APBB2: variants seen among roughly 807,000 people sequenced by gnomAD.
The protein encoded by APBB2 is amyloid beta precursor protein binding family B member 2, also known as Fe65-like 1.
APBB2 carries 38 observed loss-of-function variants against 82.5 expected under a neutral mutation model. The observed-to-expected ratio is 0.46, with a 90% CI of 0.36 to 0.60. APBB2 has a LOEUF of 0.60. Among genes scored for constraint, APBB2 ranks in the 20% least tolerant of loss-of-function variants. APBB2 has a pLI of 0.00. For synonymous variants in APBB2, 341 were observed against 368.2 expected (o/e 0.93, Z 0.85); for missense variants, 772 against 972.3 (o/e 0.79, Z 2.74).
intron 1 of APBB2, among the ~76,000 whole-genome samples, chr4:41,176,005 G>A (rs1447598818): frequency 6.6e-6 from 1 of 152,120 alleles, no homozygotes; most frequent in African/African-American, 2.4e-5. Flanking sequence ...TAGCAAACAT[G>A]TTTGAAATAA....
chr4:41,086,527 T>C (rs1739734158), intron 3 of APBB2, among the ~76,000 whole-genome samples: 1 of 152,152 alleles, frequency 6.6e-6, no homozygotes, highest in Non-Finnish European at 1.5e-5. Context: ...AATTGATCAA[T>C]GAAATGCACC....
At chr4:41,002,427 T>G (rs150068764) in intron 6 of APBB2, among the ~76,000 whole-genome samples, 8 of 152,340 alleles carry the variant, frequency 5.3e-5, no homozygotes, top group African/African-American at 1.9e-4. Context: ...AGACTGTAGA[T>G]CCAAGGATGC....
At chr4:40,948,423 T>A (rs1449827300) in intron 6 of APBB2, among the ~76,000 whole-genome samples, 2 of 152,000 alleles carry the variant, frequency 1.3e-5, no homozygotes, top group African/African-American at 4.8e-5. Flanking sequence ...ATAGAAAAAA[T>A]TAGCCGGGCT....
chr4:40,877,816 G>A (rs1266992093), intron 12 of APBB2, among the ~76,000 whole-genome samples: 1 of 152,194 alleles, frequency 6.6e-6, no homozygotes, highest in Non-Finnish European at 1.5e-5. Context: ...GGAGGTAGGA[G>A]CCACGTGTCA....
At chr4:40,848,119 T>C (rs764690573) in intron 12 of APBB2, among the ~76,000 whole-genome samples, 1 of 152,242 alleles carries the variant, frequency 6.6e-6, no homozygotes, top group African/African-American at 2.4e-5. Flanking sequence ...CTGAATTTTG[T>C]TAACTTCCAT....
Position 41,090,179 on chromosome 4 carries a change from T to C in APBB2, c.-149+10460A>G, listed in dbSNP as rs1741207080. On this transcript the variant is annotated intron_variant, in intron 3 of 17. Transcript: ENST00000508593. Reference sequence around the variant, plus strand: ...GAATTTAACATTTCCCCTCCAGTCGTTTCTATAAACCTCTGACAGAATCTT... The same window carrying C: ...GAATTTAACATTTCCCCTCCAGTCGCTTCTATAAACCTCTGACAGAATCTT... Among the ~76,000 whole-genome samples the C allele has an allele frequency of 5.3e-5, 8 of 152,306 alleles. 1 individual carries two copies. In the South Asian group the frequency reaches 1.7e-3, roughly 32 times the overall value.
intron 12 of APBB2, chr4:40,842,241 AC>A (rs1756061145): frequency 8.3e-6 from 3 of 363,526 alleles, no homozygotes; most frequent in Non-Finnish European, 1.7e-5. Flanking sequence ...ACAAAACAAA[AC>A]AAAAGTTCTG....
In APBB2 at chr4:40,814,736, G is replaced by A. The variant is rs959596511; in HGVS notation, c.*1356C>T. On this transcript the variant is annotated 3_prime_UTR_variant, in exon 18 of 18. Transcript: ENST00000508593. ...TTCCTTTTAAAACGACAATGTCAAC[G>A]AGAGTCTAAATTTGTATGTCTTTCC... 7 of 152,158 alleles carry A rather than the reference G, an allele frequency of 4.6e-5. No homozygotes were observed. The highest frequency in any genetic ancestry group is 4.1e-4 in the South Asian group (2 of 4,832). The allele number at this position is 152,158 out of a possible 1,614,324, so 9.4% of individuals were successfully genotyped here.
At chr4:41,029,069 A>G (rs1228489096) in intron 5 of APBB2, among the ~76,000 whole-genome samples, 8 of 152,240 alleles carry the variant, frequency 5.3e-5, no homozygotes, top group Non-Finnish European at 1.0e-4. Flanking sequence ...GGGTTGATAA[A>G]TGGGCCAAAG....
chr4:41,067,771 GT>G (rs1732455602), intron 3 of APBB2, among the ~76,000 whole-genome samples: 1 of 152,200 alleles, frequency 6.6e-6, no homozygotes, highest in Admixed American at 6.5e-5. Flanking sequence ...CATTTAAGAA[GT>G]CACTGTCCAC....
At chr4:41,134,581 T>A (rs1042020725) in intron 2 of APBB2, among the ~76,000 whole-genome samples, 1 of 152,058 alleles carries the variant, frequency 6.6e-6, no homozygotes, top group African/African-American at 2.4e-5. Flanking sequence ...TTTCGGAACA[T>A]CTGGATTCAA....
At chr4:40,929,181 T>C (rs1355654686) in intron 10 of APBB2, among the ~76,000 whole-genome samples, 2 of 151,876 alleles carry the variant, frequency 1.3e-5, no homozygotes, top group South Asian at 2.1e-4. Flanking sequence ...AAATCTAAAA[T>C]TATTTCTGAA....
intron 2 of APBB2, among the ~76,000 whole-genome samples, chr4:41,108,271 T>C (rs970622093): frequency 6.6e-6 from 1 of 152,144 alleles, no homozygotes; most frequent in African/African-American, 2.4e-5. Flanking sequence ...ATACCCACCC[T>C]GTATAAAGAG....
intron 3 of APBB2, among the ~76,000 whole-genome samples, chr4:41,092,033 A>C (rs1741892051): frequency 6.6e-6 from 1 of 152,214 alleles, no homozygotes; most frequent in Non-Finnish European, 1.5e-5. Flanking sequence ...AAAAGAATAA[A>C]TTGCCATTCT....
chr4:40,914,111 C>T (rs999988977), intron 10 of APBB2, among the ~76,000 whole-genome samples: 9 of 152,104 alleles, frequency 5.9e-5, no homozygotes, highest in African/African-American at 1.7e-4. Context: ...TGGCTCACAC[C>T]TGTAATCCCA....
intron 1 of APBB2, among the ~76,000 whole-genome samples, chr4:41,151,633 A>G (rs62409967): frequency 0.37 from 56,282 of 151,708 alleles, 12,390 homozygotes; most frequent in African/African-American, 0.63. Context: ...GCTTTTTTTG[A>G]CATACAATCA....
intron 1 of APBB2, among the ~76,000 whole-genome samples, chr4:41,202,041 C>T (rs938516323): frequency 5.3e-5 from 8 of 152,118 alleles, no homozygotes; most frequent in Non-Finnish European, 8.8e-5. Flanking sequence ...GAGAACATGC[C>T]CCCAGGAGCT....
intron 11 of APBB2, chr4:40,892,424 C>T (rs1772325278): frequency 6.6e-6 from 1 of 152,208 alleles, no homozygotes; most frequent in African/African-American, 2.4e-5. Flanking sequence ...TTTAAGGAGA[C>T]AAACTCCACC....
chr4:41,077,706 T>C (rs1267448216), intron 3 of APBB2, among the ~76,000 whole-genome samples: 1 of 152,192 alleles, frequency 6.6e-6, no homozygotes, highest in African/African-American at 2.4e-5. Flanking sequence ...CATCTACACA[T>C]GCTTTCTCAC....
Sources: gnomAD v4.1 joint callset for allele counts (sites outside exome capture counted in the v4.1 genomes callset) on GRCh38, gnomAD v4.1.1 for gene constraint, MANE v1.5 for transcripts, NCBI Gene and HGNC (gene_info 2026-07-23, HGNC 2026-07-21) for gene names.